The following ADGRB3 variants were observed in gnomAD, a reference collection of about 807,000 sequenced individuals.
ADGRB3 encodes adhesion G protein-coupled receptor B3, also known as brain-specific angiogenesis inhibitor 3.
ADGRB3 carries 37 observed loss-of-function variants against 193.4 expected under a neutral mutation model. The ratio of observed to expected loss-of-function variants is 0.19; its 90% confidence interval spans 0.15 to 0.25. The LOEUF (loss-of-function observed/expected upper bound fraction) is 0.25. Ranked by LOEUF, ADGRB3 falls within the 10% of genes least tolerant of loss-of-function variation. The pLI is 1.00. For missense variants in ADGRB3, 1,637 were observed against 1,852.9 expected, an observed-to-expected ratio of 0.88 and a Z score of 2.14; for synonymous variants, 690 against 644.2, an observed-to-expected ratio of 1.07 and a Z score of -1.08.
At chr6:68,946,361 T>C (rs111682710) in intron 6 of ADGRB3, among the ~76,000 whole-genome samples, 342 of 152,242 alleles carry the variant, frequency 2.2e-3, no homozygotes, top group African/African-American at 7.9e-3. Flanking sequence ...CAATGAGATG[T>C]AAGGCACTGC....
At chr6:69,330,479 T>C (rs745897834) in intron 22 of ADGRB3, 27 bp from the exon 23 acceptor site, 4 of 1,582,586 alleles carry the variant, frequency 2.5e-6, no homozygotes, top group South Asian at 1.2e-5. Flanking sequence ...CTAATTTTTG[T>C]TAGTTCTTAT....
chr6:69,162,281 A>C (rs1431189204), intron 17 of ADGRB3, among the ~76,000 whole-genome samples: 1 of 152,134 alleles, frequency 6.6e-6, no homozygotes, highest in African/African-American at 2.4e-5. Context: ...TACTCTTTTA[A>C]TCAATATTTT....
chr6:69,029,381 A>G (rs1370105903), intron 13 of ADGRB3, among the ~76,000 whole-genome samples: 1 of 152,212 alleles, frequency 6.6e-6, no homozygotes, highest in Non-Finnish European at 1.5e-5. Context: ...TTACTCCTTC[A>G]GTCTCCATCC....
At chr6:69,047,956 A>G (rs552382706) in intron 13 of ADGRB3, among the ~76,000 whole-genome samples, 2 of 152,296 alleles carry the variant, frequency 1.3e-5, no homozygotes, top group African/African-American at 4.8e-5. Context: ...ATTGACCACC[A>G]TTGTATGATA....
chr6:69,333,267 T>C (rs981964294), intron 24 of ADGRB3, among the ~76,000 whole-genome samples: 14 of 152,212 alleles, frequency 9.2e-5, no homozygotes, highest in African/African-American at 3.4e-4. Flanking sequence ...ATAAGAACGT[T>C]AAACATTAAG....
At chr6:68,908,090 CT>C (rs1268469175) in intron 3 of ADGRB3, among the ~76,000 whole-genome samples, 8 of 151,808 alleles carry the variant, frequency 5.3e-5, no homozygotes, top group Non-Finnish European at 1.2e-4. Flanking sequence ...ATAATATCAA[CT>C]TTAATATTAA....
At chr6:68,802,735 C>T (rs1767336154) in intron 3 of ADGRB3, among the ~76,000 whole-genome samples, 1 of 152,106 alleles carries the variant, frequency 6.6e-6, no homozygotes, top group Non-Finnish European at 1.5e-5. Flanking sequence ...CTACACAATG[C>T]CATGGATTCA....
intron 17 of ADGRB3, among the ~76,000 whole-genome samples, chr6:69,201,320 G>A (rs1420949868): frequency 1.3e-5 from 2 of 151,988 alleles, no homozygotes; most frequent in African/African-American, 4.8e-5. Context: ...TTCCTCCTCT[G>A]GCTCCTAGTT....
At chr6:68,984,179 A>G (rs1260532187) in intron 10 of ADGRB3, among the ~76,000 whole-genome samples, 1 of 152,176 alleles carries the variant, frequency 6.6e-6, no homozygotes, top group African/African-American at 2.4e-5. Flanking sequence ...ATTAGATCTA[A>G]TTAAAGAGGG....
intron 3 of ADGRB3, among the ~76,000 whole-genome samples, chr6:68,782,323 T>C (rs1031201353): frequency 6.6e-6 from 1 of 151,882 alleles, no homozygotes; most frequent in Non-Finnish European, 1.5e-5. Context: ...TATGGCTGCA[T>C]AGTATTCCAT....
chr6:68,967,597 C>T (rs1768420036), intron 8 of ADGRB3, among the ~76,000 whole-genome samples: 1 of 151,890 alleles, frequency 6.6e-6, no homozygotes, highest in Non-Finnish European at 1.5e-5. Flanking sequence ...CTAGAGGATC[C>T]ACCCCCCACC....
At chr6:68,826,215 A>G (rs1037637298) in intron 3 of ADGRB3, among the ~76,000 whole-genome samples, 4 of 152,152 alleles carry the variant, frequency 2.6e-5, no homozygotes, top group Non-Finnish European at 5.9e-5. Flanking sequence ...TAGTATACCA[A>G]ATGGGAATCA....
chr6:68,697,168 C>G (rs899654804), intron 3 of ADGRB3, among the ~76,000 whole-genome samples: 3 of 151,976 alleles, frequency 2.0e-5, no homozygotes, highest in Non-Finnish European at 4.4e-5. Context: ...ACACTGTTCT[C>G]TCTTGGAAGG....
In ADGRB3 at chr6:69,183,043, C is replaced by T. The variant is rs116395192; in HGVS notation, c.2481-50247C>T. On this transcript the variant is annotated intron_variant, in intron 17 of 31. Coordinates refer to ENST00000370598, the MANE Select transcript of ADGRB3 (RefSeq NM_001704.3). ...GCACTACTGTCACATGGATGTTACC[C>T]CTTACACACATTCTGCTGTTCTATG... Among the ~76,000 whole-genome samples the T allele has an allele frequency of 8.6e-3, 1,309 of 152,134 alleles. 17 individuals carry two copies. Among genetic ancestry groups the T allele is most frequent in the African/African-American group, 0.03 (1,253 of 41,500 alleles).
At chr6:68,751,614 T>C (rs1394180242) in intron 3 of ADGRB3, among the ~76,000 whole-genome samples, 2 of 152,134 alleles carry the variant, frequency 1.3e-5, no homozygotes, top group Non-Finnish European at 2.9e-5. Context: ...CAAGGGAGCA[T>C]TTTGCCCTCA....
At chr6:68,753,126 G>A (rs1356118827) in intron 3 of ADGRB3, among the ~76,000 whole-genome samples, 1 of 152,146 alleles carries the variant, frequency 6.6e-6, no homozygotes, top group Non-Finnish European at 1.5e-5. Context: ...CACCCTAGGC[G>A]ATAGGGATAG....
chr6:69,087,221 G>C (rs1481257979), intron 17 of ADGRB3, among the ~76,000 whole-genome samples: 1 of 152,130 alleles, frequency 6.6e-6, no homozygotes, highest in Admixed American at 6.6e-5. Context: ...TCAGGACCCG[G>C]TAGTTGAGAT....
chr6:68,838,537 G>A (rs1186223353), intron 3 of ADGRB3, among the ~76,000 whole-genome samples: 1 of 152,128 alleles, frequency 6.6e-6, no homozygotes, highest in Admixed American at 6.6e-5. Context: ...ATTCAGATTA[G>A]ATGTCATGAC....
At chr6:68,851,429 T>A (rs543108784) in intron 3 of ADGRB3, among the ~76,000 whole-genome samples, 9 of 151,926 alleles carry the variant, frequency 5.9e-5, no homozygotes, top group Non-Finnish European at 1.2e-4. Flanking sequence ...ATATTTTAGC[T>A]ATTTTAACCA....
Sources: gnomAD v4.1 joint callset for allele counts (sites outside exome capture counted in the v4.1 genomes callset) on GRCh38, gnomAD v4.1.1 for gene constraint, MANE v1.5 for transcripts, NCBI Gene and HGNC (gene_info 2026-07-23, HGNC 2026-07-21) for gene names.